The following ANO3 variants were observed in gnomAD, a reference collection of about 807,000 sequenced individuals.
ANO3 encodes the protein anoctamin 3.
A neutral mutation model predicts 144.8 loss-of-function variants in ANO3; 99 were observed. That is an observed-to-expected ratio of 0.68 (90% confidence interval 0.58 to 0.81). The LOEUF (loss-of-function observed/expected upper bound fraction) is 0.81. Among genes scored for constraint, ANO3 ranks in the 30% least tolerant of loss-of-function variants. The pLI is 0.00. For missense variants in ANO3, 905 were observed against 1,202.2 expected, an observed-to-expected ratio of 0.75 and a Z score of 3.66; for synonymous variants, 414 against 392.6, an observed-to-expected ratio of 1.05 and a Z score of -0.64.
intron 14 of ANO3, among the ~76,000 whole-genome samples, chr11:26,581,437 C>T (rs1007707095): frequency 1.3e-5 from 2 of 151,808 alleles, no homozygotes; most frequent in African/African-American, 4.8e-5. Flanking sequence ...GCCTGTAATC[C>T]TAGCACTTTG....
intron 18 of ANO3, among the ~76,000 whole-genome samples, chr11:26,632,727 G>GAC (rs1852827329): frequency 6.6e-6 from 1 of 151,838 alleles, no homozygotes; most frequent in East Asian, 1.9e-4. Flanking sequence ...AGCCACAAAT[G>GAC]ACATCACAAC....
At chr11:26,644,574 A>AT (rs1290228672) in intron 23 of ANO3, among the ~76,000 whole-genome samples, 5 of 152,208 alleles carry the variant, frequency 3.3e-5, no homozygotes, top group African/African-American at 9.6e-5. Flanking sequence ...CACTGTCATC[A>AT]TAAGTACATT....
At chr11:26,438,713 G>A (rs1226165320) in intron 1 of ANO3, among the ~76,000 whole-genome samples, 1 of 150,792 alleles carries the variant, frequency 6.6e-6, no homozygotes, top group African/African-American at 2.4e-5. Context: ...AAGGGGCAGA[G>A]GTTGCAGTGA....
intron 1 of ANO3, among the ~76,000 whole-genome samples, chr11:26,343,029 TAGTAC>T (rs1451003229): frequency 2.6e-5 from 4 of 152,204 alleles, no homozygotes; most frequent in African/African-American, 9.6e-5. Context: ...TTCAAGTATA[TAGTAC>T]AGTAATATTA....
At chr11:26,521,631 GT>G (rs1416731669) in intron 6 of ANO3, among the ~76,000 whole-genome samples, 1 of 152,016 alleles carries the variant, frequency 6.6e-6, no homozygotes, top group Non-Finnish European at 1.5e-5. Context: ...TCTAGTTTTT[GT>G]CATATCAGGA....
At chr11:26,454,139 T>G (rs1483275319) in intron 3 of ANO3, among the ~76,000 whole-genome samples, 1 of 151,650 alleles carries the variant, frequency 6.6e-6, no homozygotes, top group Admixed American at 6.6e-5. Context: ...GATCCAAAAT[T>G]GACACCCTAA....
Position 26,489,641 on chromosome 11 carries a change from G to T in ANO3, c.433-18463G>T, listed in dbSNP as rs538754557. ...TGTACCCTGCAAAGCTACAGAGGCA[G>T]AACTGCCCAAGACTGTAGGAACCTA... On this transcript the variant is annotated intron_variant, in intron 4 of 26. Coordinates refer to ENST00000256737, the MANE Select transcript of ANO3 (RefSeq NM_031418.4). 2.0e-5 allele frequency among the ~76,000 whole-genome samples: 3 copies of T among 152,354 alleles called. No homozygotes were observed. The South Asian group carries it at 6.2e-4, about 32-fold the overall frequency.
At chr11:26,351,231 G>T (rs1414842592) in intron 1 of ANO3, among the ~76,000 whole-genome samples, 3 of 151,474 alleles carry the variant, frequency 2.0e-5, no homozygotes, top group African/African-American at 7.3e-5. Flanking sequence ...TTTTCCATGG[G>T]TACATTCTAT....
At chr11:26,554,308 G>A (rs1052788176) in intron 13 of ANO3, among the ~76,000 whole-genome samples, 4 of 151,860 alleles carry the variant, frequency 2.6e-5, no homozygotes, top group Non-Finnish European at 1.5e-5. Flanking sequence ...TCTATACCCT[G>A]TTTGTTTATT....
intron 9 of ANO3, among the ~76,000 whole-genome samples, chr11:26,537,013 T>A (rs909853094): frequency 1.3e-5 from 2 of 151,998 alleles, no homozygotes; most frequent in Non-Finnish European, 2.9e-5. Flanking sequence ...TAAATTTTTT[T>A]TTTTTTTTTT....
At chr11:26,455,100 G>A (rs1354836539) in intron 3 of ANO3, among the ~76,000 whole-genome samples, 2 of 152,082 alleles carry the variant, frequency 1.3e-5, no homozygotes, top group Non-Finnish European at 2.9e-5. Context: ...ATTTATGACA[G>A]ACCCACAGCC....
At chr11:26,434,860 G>T (rs1413264551) in intron 1 of ANO3, among the ~76,000 whole-genome samples, 1 of 152,142 alleles carries the variant, frequency 6.6e-6, no homozygotes, top group East Asian at 1.9e-4. Context: ...CGATTTTAAA[G>T]TATGTGCCAT....
chr11:26,407,333 G>A (rs1226843909), intron 1 of ANO3, among the ~76,000 whole-genome samples: 4 of 151,264 alleles, frequency 2.6e-5, no homozygotes, highest in African/African-American at 9.7e-5. Flanking sequence ...AATGACTTTC[G>A]TTTCCTTCTA....
intron 16 of ANO3, 139 bp from the exon 17 acceptor site, chr11:26,599,411 G>T: frequency 2.2e-6 from 2 of 913,482 alleles, no homozygotes; most frequent in Non-Finnish European, 3.2e-6. Flanking sequence ...CCTTAAAGGA[G>T]AAAATTAAAT....
chr11:26,217,822 G>T (rs1435102387), intron 1 of ANO3, among the ~76,000 whole-genome samples: 7 of 151,202 alleles, frequency 4.6e-5, no homozygotes, highest in African/African-American at 1.5e-4. Context: ...GTCAAAAACA[G>T]GTTGTTGTTG....
intron 1 of ANO3, among the ~76,000 whole-genome samples, chr11:26,385,828 C>G (rs1284659682): frequency 1.0e-5 from 1 of 95,286 alleles, no homozygotes; most frequent in Admixed American, 9.0e-5. Context: ...CACACATACA[C>G]ACACACACAC....
chr11:26,336,667 T>C (rs1193325902), intron 1 of ANO3, among the ~76,000 whole-genome samples: 2 of 152,180 alleles, frequency 1.3e-5, no homozygotes, highest in Admixed American at 6.5e-5. Context: ...TGATATCCAC[T>C]GTTTTCATCT....
upstream of ANO3, chr11:26,331,798 C>T (rs1485756903): frequency 1.3e-5 from 2 of 158,596 alleles, no homozygotes; most frequent in Non-Finnish European, 2.8e-5. Flanking sequence ...GCATCTGCCA[C>T]TGCATACCCT....
At chr11:26,434,205 C>A (rs933332948) in intron 1 of ANO3, among the ~76,000 whole-genome samples, 6 of 151,998 alleles carry the variant, frequency 3.9e-5, no homozygotes, top group Admixed American at 3.3e-4. Context: ...AGTTTGTGTG[C>A]CTAGAGGTGT....
Sources: allele counts gnomAD v4.1 joint callset (sites outside exome capture counted in the v4.1 genomes callset), GRCh38; gene constraint gnomAD v4.1.1; transcripts MANE v1.5; gene names NCBI Gene and HGNC (gene_info 2026-07-23, HGNC 2026-07-21).